The following TMCC3 variants were observed in gnomAD, a reference collection of about 807,000 sequenced individuals.
The protein encoded by TMCC3 is transmembrane and coiled-coil domain family 3.
In TMCC3, 28 loss-of-function variants were observed where a neutral mutation model predicts 40.2. The observed-to-expected ratio is 0.70, with a 90% CI of 0.52 to 0.95. The LOEUF (loss-of-function observed/expected upper bound fraction) is 0.95, where lower values mean the gene tolerates loss of function less well. Ranked by LOEUF, TMCC3 falls within the 40% of genes least tolerant of loss-of-function variation. TMCC3 has a pLI of 0.00. For missense variants in TMCC3, 554 were observed against 615.2 expected (o/e 0.90, Z 1.05); for synonymous variants, 255 against 248.5 (o/e 1.03, Z -0.25).
At chr12:94,577,098 C>T (rs1020873136) in intron 3 of TMCC3, among the ~76,000 whole-genome samples, 1 of 152,148 alleles carries the variant, frequency 6.6e-6, no homozygotes, top group African/African-American at 2.4e-5. Flanking sequence ...AAAAAAGAAA[C>T]CTGTGAAGTG....
At chr12:94,583,682 G>A (rs1277490173) in intron 1 of TMCC3, among the ~76,000 whole-genome samples, 4 of 152,292 alleles carry the variant, frequency 2.6e-5, no homozygotes, top group Admixed American at 1.3e-4. Flanking sequence ...CAGGGTCTAT[G>A]GATGCCTCTC....
chr12:94,643,808 G>A (rs2069003661), intron 1 of TMCC3, among the ~76,000 whole-genome samples: 1 of 152,242 alleles, frequency 6.6e-6, no homozygotes, highest in Non-Finnish European at 1.5e-5. Context: ...CACGGAGGCA[G>A]ACAGGGAAGT....
chr12:94,588,095 A>G (rs2068648576), intron 1 of TMCC3, among the ~76,000 whole-genome samples: 1 of 152,176 alleles, frequency 6.6e-6, no homozygotes, highest in Non-Finnish European at 1.5e-5. Context: ...GCAATGAACC[A>G]GGCCTCCAGC....
chr12:94,600,116 T>C (rs2068743790), intron 1 of TMCC3, among the ~76,000 whole-genome samples: 1 of 152,112 alleles, frequency 6.6e-6, no homozygotes, highest in Admixed American at 6.5e-5. Flanking sequence ...TTTTTACAGA[T>C]ATTATGTTGG....
intron 1 of TMCC3, among the ~76,000 whole-genome samples, chr12:94,601,167 CT>C (rs1334612842): frequency 6.6e-6 from 1 of 152,082 alleles, no homozygotes; most frequent in Non-Finnish European, 1.5e-5. Flanking sequence ...TTATAATTAC[CT>C]TTGTTAATTT....
Position 94,570,379 on chromosome 12 carries a change from T to G in TMCC3, c.*1056A>C, listed in dbSNP as rs996644169. On this transcript the variant is annotated 3_prime_UTR_variant, in exon 4 of 4. Coordinates refer to ENST00000261226, the MANE Select transcript of TMCC3 (RefSeq NM_020698.4). ...ATTTGTTTTCATTTCCTGAGTAAGCTTTGCAGTCCCTCACAGACCTGTGAA... is the reference window on the plus strand; with the variant it reads ...ATTTGTTTTCATTTCCTGAGTAAGCGTTGCAGTCCCTCACAGACCTGTGAA... 1.3e-5 allele frequency: 2 copies of G among 152,222 alleles called. No individual in the cohort carries two copies. Among genetic ancestry groups the G allele is most frequent in the African/African-American group, 4.8e-5 (2 of 41,454 alleles). 9.4% of individuals were successfully genotyped at this position (152,222 alleles called of 1,614,324 possible).
chr12:94,574,337 G>C (rs567493672), intron 3 of TMCC3, among the ~76,000 whole-genome samples: 1 of 151,056 alleles, frequency 6.6e-6, no homozygotes, highest in Non-Finnish European at 1.5e-5. Flanking sequence ...GCAGTGAGCC[G>C]AGATCACGCC....
chr12:94,578,146 CAAAAAAAA>C (rs1183420863), intron 3 of TMCC3, among the ~76,000 whole-genome samples: 2 of 34,854 alleles, frequency 5.7e-5, no homozygotes, highest in South Asian at 1.2e-3. Context: ...AGACTCACCT[CAAAAAAAA>C]AAAAAAAAAA....
rs115340104 is a variant in TMCC3 at position 94,576,504 on chromosome 12, G to A, written c.1131+1890C>T. 6.9e-3 allele frequency among the ~76,000 whole-genome samples: 1,050 copies of A among 152,146 alleles called. 11 individuals carry two copies. Among genetic ancestry groups the A allele is most frequent in the African/African-American group, 0.023 (965 of 41,488 alleles). On this transcript the variant is annotated intron_variant, in intron 3 of 3. Transcript: ENST00000261226. The stretch of plus-strand genomic sequence containing the variant: ...GAAGAGTACTTTTTTAAGAGACACA[G>A]GGCCTCACTCTGTCACCCCCCAGGC...
intron 1 of TMCC3, among the ~76,000 whole-genome samples, chr12:94,623,430 A>C (rs1381930630): frequency 6.6e-6 from 1 of 152,222 alleles, no homozygotes; most frequent in Non-Finnish European, 1.5e-5. Context: ...AGCTTGTTCA[A>C]GCTACCAGGC....
At position 94,571,372 on chromosome 12, in the gene TMCC3, G is replaced by C; in HGVS notation, c.*63C>G. On this transcript the variant is annotated 3_prime_UTR_variant, in exon 4 of 4. Transcript: ENST00000261226. ...CAATCATTCACTGTAAAATTTGGTAGTATGCACAGAGTTTTCTTTAAAATA... is the reference window on the plus strand; with the variant it reads ...CAATCATTCACTGTAAAATTTGGTACTATGCACAGAGTTTTCTTTAAAATA... 6.5e-7 allele frequency: 1 copy of C among 1,539,894 alleles called. No homozygotes were observed. The highest frequency in any genetic ancestry group is 8.8e-7 in the Non-Finnish European group (1 of 1,132,112).
At chr12:94,596,747 G>T (rs2068717418) in intron 1 of TMCC3, among the ~76,000 whole-genome samples, 1 of 152,028 alleles carries the variant, frequency 6.6e-6, no homozygotes, top group African/African-American at 2.4e-5. Flanking sequence ...TTGTTGACTA[G>T]CAGCCAACTA....
chr12:94,637,364 A>G (rs1313460534), intron 1 of TMCC3, among the ~76,000 whole-genome samples: 4 of 152,206 alleles, frequency 2.6e-5, no homozygotes, highest in Admixed American at 2.6e-4. Context: ...AATATGACCA[A>G]CCTCATCCAT....
intron 3 of TMCC3, among the ~76,000 whole-genome samples, chr12:94,574,230 A>T (rs2068549943): frequency 6.6e-6 from 1 of 152,084 alleles, no homozygotes; most frequent in Admixed American, 6.6e-5. Flanking sequence ...TAAAAAAAAA[A>T]TACAAAAATT....
chr12:94,624,906 C>T (rs555247454), intron 1 of TMCC3, among the ~76,000 whole-genome samples: 26 of 149,924 alleles, frequency 1.7e-4, no homozygotes, highest in South Asian at 4.3e-4. Context: ...TTTGGGAGGC[C>T]GAGGCGGGTG....
chr12:94,595,464 C>A (rs1454411528), intron 1 of TMCC3, among the ~76,000 whole-genome samples: 1 of 152,150 alleles, frequency 6.6e-6, no homozygotes. Context: ...AAGACTGAGC[C>A]AGGAAATAGC....
chr12:94,646,201 A>G (rs1317649869), intron 1 of TMCC3, among the ~76,000 whole-genome samples: 1 of 152,168 alleles, frequency 6.6e-6, no homozygotes, highest in African/African-American at 2.4e-5. Context: ...ATATGGAAGA[A>G]ACCAATTCCA....
chr12:94,609,512 C>T (rs2068802456), intron 1 of TMCC3, among the ~76,000 whole-genome samples: 2 of 152,198 alleles, frequency 1.3e-5, no homozygotes, highest in Non-Finnish European at 2.9e-5. Flanking sequence ...TTCTTAGCAA[C>T]TTGATTTTTT....
chr12:94,580,732 T>C (rs2068595539), intron 2 of TMCC3, among the ~76,000 whole-genome samples: 1 of 150,894 alleles, frequency 6.6e-6, no homozygotes. Context: ...GAAAACTCCA[T>C]CTCAAACAAA....
Sources: allele counts gnomAD v4.1 joint callset (sites outside exome capture counted in the v4.1 genomes callset), GRCh38; gene constraint gnomAD v4.1.1; transcripts MANE v1.5; gene names NCBI Gene and HGNC (gene_info 2026-07-23, HGNC 2026-07-21).